DAB1: variants seen among roughly 807,000 people sequenced by gnomAD.
DAB1 encodes the protein disabled homolog 1.
A neutral mutation model predicts 64.6 loss-of-function variants in DAB1; 15 were observed. The ratio of observed to expected loss-of-function variants is 0.23; its 90% CI spans 0.16 to 0.36. The LOEUF is 0.36. Among genes scored for constraint, DAB1 ranks in the 10% least tolerant of loss-of-function variants. The pLI, the probability that DAB1 is intolerant of heterozygous loss-of-function variation, is 1.00. For synonymous variants in DAB1, 235 were observed against 251.9 expected, an observed-to-expected ratio of 0.93 and a Z score of 0.64; for missense variants, 596 against 706.7, an observed-to-expected ratio of 0.84 and a Z score of 1.78.
intron 3 of DAB1, among the ~76,000 whole-genome samples, chr1:58,409,384 T>C (rs920711287): frequency 2.6e-5 from 4 of 152,186 alleles, no homozygotes; most frequent in African/African-American, 9.7e-5. Context: ...AGGATCCTGG[T>C]TCTTTCCACT....
At chr1:58,175,534 T>C (rs984890260) in intron 4 of DAB1, among the ~76,000 whole-genome samples, 2 of 152,222 alleles carry the variant, frequency 1.3e-5, no homozygotes, top group Admixed American at 6.5e-5. Context: ...CAGTATTTCA[T>C]TCAGTGGTTT....
At chr1:58,442,224 C>T (rs1645018955) in intron 3 of DAB1, among the ~76,000 whole-genome samples, 1 of 152,140 alleles carries the variant, frequency 6.6e-6, no homozygotes, top group Non-Finnish European at 1.5e-5. Context: ...GGAGGTTTCC[C>T]AAGCATCCAA....
rs140517154 is a variant in DAB1 at position 58,298,465 on chromosome 1, A to G, written n.309+44887T>C. Among the ~76,000 whole-genome samples the G allele has an allele frequency of 2.3e-3, 344 of 152,350 alleles. 4 individuals carry two copies. Among genetic ancestry groups the G allele is most frequent in the Middle Eastern group, 6.8e-3 (2 of 294 alleles). ...GAATGAGATGGGGTATAAACAAATTATCAACACTATACTCTTTATTGTAGC... is the reference window on the plus strand; with the variant it reads ...GAATGAGATGGGGTATAAACAAATTGTCAACACTATACTCTTTATTGTAGC... On this transcript the variant is annotated intron_variant and non_coding_transcript_variant, in intron 4 of 20. Coordinates refer to the DAB1 transcript ENST00000485760.
intron 7 of DAB1, among the ~76,000 whole-genome samples, chr1:57,489,902 C>T (rs747076664): frequency 3.3e-5 from 5 of 152,114 alleles, no homozygotes; most frequent in South Asian, 2.1e-4. Context: ...TAAACTCATA[C>T]GTTGAAACCT....
At chr1:57,521,938 C>G (rs985498489) in intron 7 of DAB1, among the ~76,000 whole-genome samples, 1 of 152,026 alleles carries the variant, frequency 6.6e-6, no homozygotes, top group Admixed American at 6.6e-5. Context: ...GGCGAAACCC[C>G]GTCTCTAGTA....
intron 5 of DAB1, among the ~76,000 whole-genome samples, chr1:58,070,266 C>T (rs764471897): frequency 2.0e-5 from 3 of 152,152 alleles, no homozygotes; most frequent in Non-Finnish European, 4.4e-5. Context: ...TATGATCAAT[C>T]CCAAATATTG....
At chr1:57,209,952 A>G (rs1297048015) in intron 2 of DAB1, among the ~76,000 whole-genome samples, 1 of 152,246 alleles carries the variant, frequency 6.6e-6, no homozygotes. Flanking sequence ...CTTGGACTAA[A>G]AAGACCTAAA....
intron 5 of DAB1, among the ~76,000 whole-genome samples, chr1:58,001,247 G>T (rs899268951): frequency 6.6e-6 from 1 of 151,980 alleles, no homozygotes; most frequent in Admixed American, 6.6e-5. Context: ...TCAACTTCTA[G>T]TCAAAGGGCT....
chr1:57,619,332 A>T (rs1164379416), intron 7 of DAB1, among the ~76,000 whole-genome samples: 1 of 152,184 alleles, frequency 6.6e-6, no homozygotes, highest in Non-Finnish European at 1.5e-5. Flanking sequence ...GTACATGACA[A>T]CGCTGTGCTA....
intron 3 of DAB1, among the ~76,000 whole-genome samples, chr1:58,352,588 A>G (rs1454789333): frequency 1.3e-5 from 2 of 152,214 alleles, no homozygotes; most frequent in Non-Finnish European, 2.9e-5. Flanking sequence ...TCAGTCCAGC[A>G]CAGTAAAAAT....
At chr1:58,322,567 G>A (rs1188382799) in intron 4 of DAB1, among the ~76,000 whole-genome samples, 6 of 150,744 alleles carry the variant, frequency 4.0e-5, no homozygotes, top group East Asian at 3.9e-4. Context: ...TTAGAATGGC[G>A]ATCATTAAAA....
At chr1:58,370,650 A>C (rs536338778) in intron 3 of DAB1, among the ~76,000 whole-genome samples, 1 of 152,282 alleles carries the variant, frequency 6.6e-6, no homozygotes, top group African/African-American at 2.4e-5. Context: ...CTCATGTCAA[A>C]TTGTAATCCA....
intron 3 of DAB1, among the ~76,000 whole-genome samples, chr1:58,424,493 G>A (rs1054926728): frequency 6.6e-6 from 1 of 152,142 alleles, no homozygotes. Context: ...CTTTCTAGAT[G>A]GCTCCCACAT....
At chr1:58,455,869 G>T (rs1484713276) in intron 3 of DAB1, among the ~76,000 whole-genome samples, 1 of 152,148 alleles carries the variant, frequency 6.6e-6, no homozygotes, top group Non-Finnish European at 1.5e-5. Context: ...GAGCTGTGAG[G>T]TCAATCAGAT....
At chr1:58,538,633 T>C (rs961123902) in intron 1 of DAB1, among the ~76,000 whole-genome samples, 4 of 152,174 alleles carry the variant, frequency 2.6e-5, no homozygotes, top group Admixed American at 6.5e-5. Flanking sequence ...GTTTAGAAAC[T>C]TCACTTTGAG....
intron 1 of DAB1, among the ~76,000 whole-genome samples, chr1:57,360,228 A>T (rs1679439023): frequency 6.6e-6 from 1 of 151,904 alleles, no homozygotes; most frequent in Non-Finnish European, 1.5e-5. Context: ...TAAACTAATT[A>T]ATTAATTAAA....
chr1:57,205,996 T>C (rs1665505340), intron 2 of DAB1, among the ~76,000 whole-genome samples: 4 of 152,208 alleles, frequency 2.6e-5, no homozygotes, highest in African/African-American at 9.6e-5. Context: ...CAATAAGCAT[T>C]TGTCCAATTT....
At position 58,048,219 on chromosome 1, in the gene DAB1, C is replaced by T. The variant is rs189781485; in HGVS notation, n.387+102292G>A. ...CCACAGCTACTGCTGCTACTGGAAC[C>T]GCCATAGCCACCTTGGTTTCACAGT... On this transcript the variant is annotated intron_variant and non_coding_transcript_variant, in intron 5 of 20. Transcript: ENST00000485760. The T allele has an allele frequency of 2.9e-3, 3,610 of 1,252,400 alleles. 20 individuals carry two copies. The highest frequency in any genetic ancestry group is 2.6e-3 in the Non-Finnish European group (2,289 of 864,888). 77.6% of individuals were successfully genotyped at this position (1,252,400 alleles called of 1,614,324 possible).
chr1:58,024,413 T>A (rs1646858803), intron 5 of DAB1, among the ~76,000 whole-genome samples: 1 of 152,226 alleles, frequency 6.6e-6, no homozygotes. Flanking sequence ...CTATTTCAAA[T>A]GCTTAGCAGA....
Sources: gnomAD v4.1 joint callset for allele counts (sites outside exome capture counted in the v4.1 genomes callset) on GRCh38, gnomAD v4.1.1 for gene constraint, MANE v1.5 for transcripts, NCBI Gene and HGNC (gene_info 2026-07-23, HGNC 2026-07-21) for gene names.